The following OTUD7A variants were observed in gnomAD, a reference collection of about 807,000 sequenced individuals.
OTUD7A encodes the protein OTU deubiquitinase 7A, also known as OTU domain-containing protein 7A.
A neutral mutation model predicts 65.7 loss-of-function variants in OTUD7A; 12 were observed. That is an observed-to-expected ratio of 0.18 (90% CI 0.12 to 0.30). The LOEUF (loss-of-function observed/expected upper bound fraction) is 0.30, where lower values mean the gene tolerates loss of function less well. OTUD7A is among the 10% of genes least tolerant of loss of function. OTUD7A has a pLI of 1.00. For synonymous variants in OTUD7A, 641 were observed against 586.3 expected (o/e 1.09, Z -1.35); for missense variants, 1,148 against 1,304.8 (o/e 0.88, Z 1.85).
intron 1 of OTUD7A, among the ~76,000 whole-genome samples, chr15:31,673,104 A>G (rs1445705045): frequency 1.3e-5 from 2 of 152,228 alleles, no homozygotes; most frequent in Admixed American, 1.3e-4. Context: ...AAATACATTA[A>G]GTTGAAAATG....
chr15:31,714,868 G>T, intron 1 of OTUD7A, among the ~76,000 whole-genome samples: 1 of 152,120 alleles, frequency 6.6e-6, no homozygotes, highest in Non-Finnish European at 1.5e-5. Context: ...AGGCGTGGTG[G>T]CTCACGCCTA....
intron 3 of OTUD7A, among the ~76,000 whole-genome samples, chr15:31,591,244 C>T (rs1205298909): frequency 6.6e-6 from 1 of 152,034 alleles, no homozygotes; most frequent in East Asian, 1.9e-4. Flanking sequence ...GATGAGACCA[C>T]AAGCAGGCAG....
chr15:31,555,760 G>A (rs1338879808), intron 5 of OTUD7A, among the ~76,000 whole-genome samples: 1 of 152,138 alleles, frequency 6.6e-6, no homozygotes, highest in Non-Finnish European at 1.5e-5. Flanking sequence ...GGTGGGCAGG[G>A]GTCAGGTTCA....
chr15:31,592,142 C>T (rs920907171), intron 3 of OTUD7A, among the ~76,000 whole-genome samples: 2 of 152,132 alleles, frequency 1.3e-5, no homozygotes, highest in Non-Finnish European at 2.9e-5. Context: ...ATGTGAAGGC[C>T]AGGACATTAC....
At chr15:31,690,380 C>T (rs1892935215) in intron 1 of OTUD7A, among the ~76,000 whole-genome samples, 1 of 151,838 alleles carries the variant, frequency 6.6e-6, no homozygotes, top group South Asian at 2.1e-4. Context: ...GTAGTACTTT[C>T]AAAATGATTT....
At chr15:31,717,266 G>A (rs190147059) in intron 1 of OTUD7A, among the ~76,000 whole-genome samples, 1 of 152,106 alleles carries the variant, frequency 6.6e-6, no homozygotes, top group African/African-American at 2.4e-5. Flanking sequence ...TATACTCTAA[G>A]TTCTGGGATA....
chr15:31,558,658 T>G, intron 5 of OTUD7A: 2 of 390,836 alleles, frequency 5.1e-6, no homozygotes, highest in South Asian at 5.0e-5. Flanking sequence ...CACGGAGGAG[T>G]TGTCTGGGGA....
chr15:31,484,608 G>C lies in OTUD7A; in HGVS notation c.1488C>G (p.Asn496Lys). 1 of 1,603,004 alleles carries C rather than the reference G, an allele frequency of 6.2e-7. No homozygotes were observed. The highest frequency in any genetic ancestry group is 1.1e-5 in the South Asian group (1 of 89,966). Reference protein sequence around the residue: ...DSVCSNSNSNNGKNGKDKEKE... With the variant: ...DSVCSNSNSNKGKNGKDKEKE... ...TCTCCTTGTCCTTGCCGTTCTTGCC[G>C]TTATTGCTGTTAGAATTGCTGCACA... Residue 496 changes from asparagine (N) to lysine (K), a missense_variant, in exon 13 of 13, where the codon AAC (asparagine) becomes AAG (lysine). Physicochemically the swap from Asn to Lys is moderately conservative, Grantham distance 94. Around this residue, in one of 6 missense-constraint regions of OTUD7A, gnomAD observed 842 missense variants for 769.5 expected, o/e 1.09. Coordinates refer to ENST00000307050, the MANE Select transcript of OTUD7A (RefSeq NM_001382637.1). The surrounding 1 kb of genome is among the most constrained non-coding windows in gnomAD (Gnocchi z 4.5).
At chr15:31,758,796 A>G (rs1894882756) in intron 1 of OTUD7A, among the ~76,000 whole-genome samples, 1 of 152,122 alleles carries the variant, frequency 6.6e-6, no homozygotes, top group Non-Finnish European at 1.5e-5. Flanking sequence ...GAAATCATCA[A>G]ATCTCCACTC....
At chr15:31,669,782 A>T (rs1421617126) in intron 1 of OTUD7A, among the ~76,000 whole-genome samples, 1 of 151,942 alleles carries the variant, frequency 6.6e-6, no homozygotes, top group East Asian at 1.9e-4. Flanking sequence ...GCCAGGCAGG[A>T]ATGGCCTGCT....
At chr15:31,869,324 G>A (rs560315297) in intron 1 of OTUD7A, among the ~76,000 whole-genome samples, 1 of 152,182 alleles carries the variant, frequency 6.6e-6, no homozygotes, top group South Asian at 2.1e-4. Flanking sequence ...CCCCGCCTTC[G>A]CCCAGGGCAG....
At chr15:31,596,425 A>T (rs535710779) in intron 3 of OTUD7A, among the ~76,000 whole-genome samples, 4 of 152,336 alleles carry the variant, frequency 2.6e-5, no homozygotes, top group African/African-American at 9.6e-5. Flanking sequence ...TTGTGTGATT[A>T]TAAGTAAAGC....
intron 3 of OTUD7A, among the ~76,000 whole-genome samples, chr15:31,586,205 A>T (rs1254812117): frequency 6.6e-6 from 1 of 152,218 alleles, no homozygotes; most frequent in Non-Finnish European, 1.5e-5. Context: ...GCAGAACATA[A>T]AGACTCTGCA....
chr15:31,583,358 T>TC (rs1340934372), intron 3 of OTUD7A, among the ~76,000 whole-genome samples: 1 of 152,134 alleles, frequency 6.6e-6, no homozygotes, highest in Non-Finnish European at 1.5e-5. Flanking sequence ...CCAGGGAAGC[T>TC]CCTGTGAAGC....
At chr15:31,681,785 T>C (rs3894388) in intron 1 of OTUD7A, among the ~76,000 whole-genome samples, 42,927 of 139,056 alleles carry the variant, frequency 0.31, 9,018 homozygotes, top group African/African-American at 0.6. Context: ...CCTTTCACTC[T>C]TTCATTGCTC....
chr15:31,559,781 A>G (rs4779542), intron 4 of OTUD7A, among the ~76,000 whole-genome samples: 25,981 of 152,218 alleles, frequency 0.17, 2,403 homozygotes, highest in East Asian at 0.24. Context: ...CACACAGCGC[A>G]CATACATGTA....
intron 1 of OTUD7A, among the ~76,000 whole-genome samples, chr15:31,727,337 C>T (rs763728483): frequency 2.0e-5 from 3 of 152,262 alleles, no homozygotes; most frequent in Non-Finnish European, 4.4e-5. Context: ...TTTCCAGTTT[C>T]TCCCACAGTA....
chr15:31,822,921 A>G (rs1407068016), intron 1 of OTUD7A, among the ~76,000 whole-genome samples: 1 of 152,232 alleles, frequency 6.6e-6, no homozygotes, highest in South Asian at 2.1e-4. Flanking sequence ...TTAATTTTAT[A>G]AATTCTCAGA....
intron 4 of OTUD7A, among the ~76,000 whole-genome samples, chr15:31,559,450 G>C (rs1595610440): frequency 6.6e-6 from 1 of 152,024 alleles, no homozygotes; most frequent in East Asian, 1.9e-4. Context: ...TATAAGCAGA[G>C]ATATACATGT....
Sources: allele counts gnomAD v4.1 joint callset (sites outside exome capture counted in the v4.1 genomes callset), GRCh38; gene constraint gnomAD v4.1.1; regional missense constraint gnomAD v4.1.1; non-coding constraint Gnocchi (gnomAD v3.1); transcripts MANE v1.5; gene names NCBI Gene and HGNC (gene_info 2026-07-23, HGNC 2026-07-21).